Variants in CERS6 observed in about 807,000 individuals in gnomAD.
CERS6 encodes ceramide synthase 6, also known as LAG1 homolog, ceramide synthase 6.
CERS6 carries 26 observed loss-of-function variants against 56.8 expected under a neutral mutation model. The ratio of observed to expected loss-of-function variants is 0.46; its 90% CI spans 0.34 to 0.63. CERS6 has a LOEUF of 0.63. Ranked by LOEUF, CERS6 falls within the 30% of genes least tolerant of loss-of-function variation. CERS6 has a pLI of 0.01. For synonymous variants in CERS6, 164 were observed against 173.3 expected, an observed-to-expected ratio of 0.95 and a Z score of 0.42; for missense variants, 415 against 467.5, an observed-to-expected ratio of 0.89 and a Z score of 1.04.
chr2:168,635,465 T>C (rs1020419541), intron 4 of CERS6, among the ~76,000 whole-genome samples: 2 of 152,160 alleles, frequency 1.3e-5, no homozygotes, highest in African/African-American at 4.8e-5. Flanking sequence ...CCCATCTTCC[T>C]CTTGCAGCCT....
intron 3 of CERS6, among the ~76,000 whole-genome samples, chr2:168,597,969 C>T (rs1386193658): frequency 6.6e-6 from 1 of 152,220 alleles, no homozygotes; most frequent in African/African-American, 2.4e-5. Context: ...CTTTGCCTCT[C>T]TTTCAGACTT....
chr2:168,710,040 G>T (rs1254869635), intron 6 of CERS6, among the ~76,000 whole-genome samples: 1 of 152,078 alleles, frequency 6.6e-6, no homozygotes, highest in African/African-American at 2.4e-5. Context: ...ATGAAAATTG[G>T]TCTTCTGCCA....
chr2:168,762,130 A>G (rs2042548), intron 8 of CERS6, among the ~76,000 whole-genome samples: 12,048 of 152,150 alleles, frequency 0.079, 593 homozygotes, highest in Non-Finnish European at 0.11. Flanking sequence ...TGTGTTACAA[A>G]CCTGCACATT....
chr2:168,626,248 G>A (rs2105290553), intron 3 of CERS6, among the ~76,000 whole-genome samples: 1 of 152,318 alleles, frequency 6.6e-6, no homozygotes, highest in South Asian at 2.1e-4. Flanking sequence ...TCAGGGGATA[G>A]AGGAAGTACT....
intron 4 of CERS6, among the ~76,000 whole-genome samples, chr2:168,632,066 G>A (rs548625469): frequency 1.3e-5 from 2 of 151,308 alleles, no homozygotes; most frequent in African/African-American, 2.4e-5. Context: ...AATTCCTTGT[G>A]GCTGCTATAG....
intron 3 of CERS6, among the ~76,000 whole-genome samples, chr2:168,580,092 CT>C (rs1683372183): frequency 6.6e-6 from 1 of 152,164 alleles, no homozygotes; most frequent in Non-Finnish European, 1.5e-5. Flanking sequence ...TTAGTTTTGC[CT>C]ATTTAAAAAC....
intron 1 of CERS6, among the ~76,000 whole-genome samples, chr2:168,510,888 A>G (rs185232255): frequency 6.6e-6 from 1 of 152,344 alleles, no homozygotes; most frequent in East Asian, 1.9e-4. Flanking sequence ...ATAAAGCCTT[A>G]CAATAACCTT....
At chr2:168,706,320 A>G (rs1341015813) in intron 6 of CERS6, among the ~76,000 whole-genome samples, 1 of 152,218 alleles carries the variant, frequency 6.6e-6, no homozygotes, top group African/African-American at 2.4e-5. Context: ...TTCCATGGTG[A>G]TAAAATAACT....
chr2:168,547,245 G>T (rs73969248), intron 1 of CERS6, among the ~76,000 whole-genome samples: 1 of 152,170 alleles, frequency 6.6e-6, no homozygotes, highest in African/African-American at 2.4e-5. Flanking sequence ...CTATTGCTCT[G>T]TGTAAGAAGA....
intron 2 of CERS6, among the ~76,000 whole-genome samples, chr2:168,557,209 C>T (rs1695698938): frequency 6.6e-6 from 1 of 151,876 alleles, no homozygotes; most frequent in African/African-American, 2.4e-5. Context: ...ACCTTATTCT[C>T]AGTAGAAACC....
chr2:168,574,094 C>G (rs1683187749), intron 3 of CERS6, among the ~76,000 whole-genome samples: 1 of 152,134 alleles, frequency 6.6e-6, no homozygotes, highest in South Asian at 2.1e-4. Flanking sequence ...TAGTATTGCT[C>G]TACTGTTTCC....
chr2:168,500,106 A>C (rs1694553430), intron 1 of CERS6, among the ~76,000 whole-genome samples: 1 of 152,206 alleles, frequency 6.6e-6, no homozygotes, highest in Non-Finnish European at 1.5e-5. Context: ...ATTCATAGGA[A>C]GTGCCTACAA....
rs1158840166 is a variant in CERS6, at chr2:168,771,032, T to A, written c.*1370T>A. 4 of 152,224 alleles carry A rather than the reference T, an allele frequency of 2.6e-5. No individual in the cohort carries two copies. Among genetic ancestry groups the A allele is most frequent in the Non-Finnish European group, 4.4e-5 (3 of 68,036 alleles). The allele number at this position is 152,224 out of a possible 1,614,324, so 9.4% of individuals were successfully genotyped here. A position where few individuals can be genotyped will look rare whatever the true frequency, so the allele number is the denominator to read the frequency against. On this transcript the variant is annotated 3_prime_UTR_variant, in exon 10 of 10. Transcript: ENST00000305747. ...CCATATGTCAGCCAAAGATTTTATC[T>A]CTTCTTCTAACTTTTAGTAAGAGGA... is the stretch of plus-strand genomic sequence containing the variant.
chr2:168,502,332 C>T (rs867786125), intron 1 of CERS6, among the ~76,000 whole-genome samples: 3 of 151,952 alleles, frequency 2.0e-5, no homozygotes, highest in Middle Eastern at 6.3e-3. Context: ...TTTTGTGAGA[C>T]AGTCAGAGTA....
At chr2:168,720,451 C>T (rs144929959) in intron 8 of CERS6, among the ~76,000 whole-genome samples, 2 of 152,234 alleles carry the variant, frequency 1.3e-5, no homozygotes, top group East Asian at 1.9e-4. Flanking sequence ...CCAGATTCGA[C>T]ACATTTTCTG....
chr2:168,693,482 C>T (rs1261878024), intron 5 of CERS6, among the ~76,000 whole-genome samples: 2 of 152,030 alleles, frequency 1.3e-5, no homozygotes, highest in Admixed American at 1.3e-4. Context: ...TAAAATTTAC[C>T]CTTGGCTCAA....
chr2:168,710,857 A>G (rs1687071172), intron 6 of CERS6, among the ~76,000 whole-genome samples: 2 of 152,200 alleles, frequency 1.3e-5, no homozygotes, highest in Admixed American at 1.3e-4. Context: ...GCTGAGAACT[A>G]GATGTAAATG....
intron 2 of CERS6, among the ~76,000 whole-genome samples, chr2:168,557,201 C>T (rs769351401): frequency 1.3e-5 from 2 of 151,788 alleles, no homozygotes; most frequent in Non-Finnish European, 2.9e-5. Flanking sequence ...AAGAAAGTAC[C>T]TTATTCTCAG....
chr2:168,596,274 A>T (rs1574088910), intron 3 of CERS6, among the ~76,000 whole-genome samples: 1 of 151,606 alleles, frequency 6.6e-6, no homozygotes, highest in Non-Finnish European at 1.5e-5. Context: ...TTTATTGCTG[A>T]TCACAGGGTC....
Sources: gnomAD v4.1 joint callset for allele counts (sites outside exome capture counted in the v4.1 genomes callset) on GRCh38, gnomAD v4.1.1 for gene constraint, MANE v1.5 for transcripts, NCBI Gene and HGNC (gene_info 2026-07-23, HGNC 2026-07-21) for gene names.